Variants in RAD52 observed in about 807,000 individuals in gnomAD.
The protein encoded by RAD52 is DNA repair protein RAD52 homolog.
A neutral mutation model predicts 55.5 loss-of-function variants in RAD52; 47 were observed. The ratio of observed to expected loss-of-function variants is 0.85; its 90% CI spans 0.67 to 1.08. RAD52 has a LOEUF of 1.08. RAD52 is among the 50% of genes least tolerant of loss of function. The probability of loss-of-function intolerance (pLI) is 0.00; values close to 1 mark genes in which losing one functional copy is unlikely to be tolerated. For synonymous variants in RAD52, 184 were observed against 198.9 expected, an observed-to-expected ratio of 0.92 and a Z score of 0.63; for missense variants, 468 against 522.8, an observed-to-expected ratio of 0.90 and a Z score of 1.02.
intron 1 of RAD52, among the ~76,000 whole-genome samples, chr12:962,244 TACCAA>T (rs1375145405): frequency 6.6e-6 from 1 of 152,074 alleles, no homozygotes; most frequent in African/African-American, 2.4e-5. Context: ...AAGATTATCT[TACCAA>T]TTCTAATAAG....
At chr12:938,420 C>T (rs759677567) in intron 1 of RAD52, among the ~76,000 whole-genome samples, 24 of 152,214 alleles carry the variant, frequency 1.6e-4, no homozygotes, top group Non-Finnish European at 2.6e-4. Context: ...TGGTGGCCCA[C>T]GCCTGTAATC....
intron 1 of RAD52, among the ~76,000 whole-genome samples, chr12:967,652 C>T (rs896679010): frequency 6.6e-6 from 1 of 151,896 alleles, no homozygotes; most frequent in Non-Finnish European, 1.5e-5. Flanking sequence ...TCACCCAGGC[C>T]GAAGTTCAGT....
intron 1 of RAD52, among the ~76,000 whole-genome samples, chr12:989,473 C>G (rs1283414998): frequency 6.6e-6 from 1 of 152,088 alleles, no homozygotes; most frequent in African/African-American, 2.4e-5. Flanking sequence ...GCTCGGTTAG[C>G]TAGCTTTAAT....
At chr12:972,420 A>C (rs568152379) in intron 1 of RAD52, among the ~76,000 whole-genome samples, 1 of 152,260 alleles carries the variant, frequency 6.6e-6, no homozygotes, top group East Asian at 1.9e-4. Context: ...GACCTGAAGG[A>C]AGTAAGGAAG....
At chr12:990,596 G>A (rs1465318776), upstream of RAD52, 1 of 152,276 alleles carries the variant, frequency 6.6e-6, no homozygotes, top group African/African-American at 2.4e-5. Context: ...GGGGTCCTCG[G>A]CGATGCCCGT....
rs372904698 is a variant in RAD52, at chr12:955,820, G to A, written c.-18-22744C>T. On this transcript the variant is annotated intron_variant, in intron 1 of 11. Coordinates refer to the RAD52 transcript ENST00000430095. ...TTGAGATGGAGTCTTGCTCTGTTGC[G>A]CCCAGGCTGGAGTGCAGTGGCACCA... Among the ~76,000 whole-genome samples the A allele has an allele frequency of 2.6e-5, 4 of 151,254 alleles. No homozygotes were observed. In the South Asian group the frequency reaches 6.3e-4, roughly 24 times the overall value.
intron 1 of RAD52, among the ~76,000 whole-genome samples, chr12:946,985 C>T (rs1958262670): frequency 6.6e-6 from 1 of 152,122 alleles, no homozygotes; most frequent in South Asian, 2.1e-4. Context: ...CTTGATACCA[C>T]GATAATTAAC....
At chr12:972,765 CAAAAAAAAAAA>C (rs780150903) in intron 1 of RAD52, among the ~76,000 whole-genome samples, 2 of 38,434 alleles carry the variant, frequency 5.2e-5, no homozygotes, top group Non-Finnish European at 1.0e-4. Flanking sequence ...GACTCCGTCT[CAAAAAAAAAAA>C]AAAAAAAAAA....
At chr12:934,696 T>G (rs1957521785) in intron 1 of RAD52, among the ~76,000 whole-genome samples, 1 of 152,138 alleles carries the variant, frequency 6.6e-6, no homozygotes, top group Non-Finnish European at 1.5e-5. Context: ...TGGTAATCAT[T>G]TCACAGTGCA....
chr12:927,147 G>A lies in RAD52; in HGVS notation c.465C>T (p.Leu155=), dbSNP rs1169440587. ...EAVTDGLKRA[L]RSFGNALGNC... ...TAGACTCCCAGCCCCGCGCTCACCT[G>A]AGGGCTCGCTTCAGCCCGTCTGTCA... The change falls in exon 6 of 12, where the codon CTC becomes CTT. Residue 155 remains leucine, a splice_region_variant and synonymous_variant. Coordinates refer to ENST00000358495, the MANE Select transcript of RAD52 (RefSeq NM_134424.4). The A allele has an allele frequency of 6.2e-7, 1 of 1,613,406 alleles. No individual in the cohort carries two copies. The highest frequency in any genetic ancestry group is 8.5e-7 in the Non-Finnish European group (1 of 1,179,606).
At chr12:978,890 G>GTAGATAGATAGATAGATAGA (rs55957803) in intron 1 of RAD52, among the ~76,000 whole-genome samples, 10 of 149,522 alleles carry the variant, frequency 6.7e-5, no homozygotes, top group South Asian at 6.4e-4. Context: ...TAGATGATAG[G>GTAGATAGATAGATAGATAGA]TAGATAGATA....
intron 1 of RAD52, among the ~76,000 whole-genome samples, chr12:984,710 G>C (rs948644633): frequency 2.0e-5 from 3 of 151,436 alleles, no homozygotes; most frequent in African/African-American, 7.3e-5. Context: ...TGTCGCCCAG[G>C]CTGGAGTGCA....
chr12:972,651 A>G (rs999591645), intron 1 of RAD52, among the ~76,000 whole-genome samples: 1 of 151,722 alleles, frequency 6.6e-6, no homozygotes, highest in East Asian at 1.9e-4. Context: ...CTGTAGTCCC[A>G]GCTACTCGGT....
chr12:982,700 C>T (rs1224048474), intron 1 of RAD52, among the ~76,000 whole-genome samples: 1 of 95,114 alleles, frequency 1.1e-5, no homozygotes. Context: ...GGGTCTTGTT[C>T]TGTCACATAG....
At chr12:979,927 G>C (rs543481756) in intron 1 of RAD52, among the ~76,000 whole-genome samples, 2 of 151,940 alleles carry the variant, frequency 1.3e-5, no homozygotes, top group South Asian at 2.1e-4. Flanking sequence ...GGCACCTGTA[G>C]TCCCAGCTAC....
intron 6 of RAD52, among the ~76,000 whole-genome samples, chr12:926,543 G>A (rs1400101390): frequency 6.6e-6 from 1 of 151,832 alleles, no homozygotes; most frequent in East Asian, 1.9e-4. Context: ...AAATAAGCCT[G>A]GGACTCCTTC....
intron 1 of RAD52, among the ~76,000 whole-genome samples, chr12:942,521 G>A (rs1398491793): frequency 6.6e-6 from 1 of 152,130 alleles, no homozygotes; most frequent in Admixed American, 6.6e-5. Context: ...GACCGAGGCG[G>A]GTGGATCACA....
intron 1 of RAD52, among the ~76,000 whole-genome samples, chr12:967,528 G>A (rs776941882): frequency 2.3e-4 from 35 of 151,856 alleles, no homozygotes; most frequent in Non-Finnish European, 4.3e-4. Context: ...TGGATTTTAC[G>A]GTTATTGTGT....
intron 1 of RAD52, among the ~76,000 whole-genome samples, chr12:935,175 G>A (rs1957547052): frequency 6.6e-6 from 1 of 151,428 alleles, no homozygotes; most frequent in Non-Finnish European, 1.5e-5. Flanking sequence ...TATATAGGCA[G>A]CATGACCCTG....
Sources: gnomAD v4.1 joint callset for allele counts (sites outside exome capture counted in the v4.1 genomes callset) on GRCh38, gnomAD v4.1.1 for gene constraint, MANE v1.5 for transcripts, NCBI Gene and HGNC (gene_info 2026-07-23, HGNC 2026-07-21) for gene names.